The following ING5 variants were observed in gnomAD, a reference collection of about 807,000 sequenced individuals.
The protein encoded by ING5 is inhibitor of growth family member 5.
In ING5, 17 loss-of-function variants were observed where a neutral mutation model predicts 37.4. That is an observed-to-expected ratio of 0.45 (90% CI 0.31 to 0.68). The LOEUF (loss-of-function observed/expected upper bound fraction) is 0.68, where lower values mean the gene tolerates loss of function less well. ING5 is among the 30% of genes least tolerant of loss of function. The probability of loss-of-function intolerance (pLI) is 0.05; values close to 1 mark genes in which losing one functional copy is unlikely to be tolerated. For synonymous variants in ING5, 123 were observed against 116.6 expected (o/e 1.06, Z -0.36); for missense variants, 233 against 311.9 (o/e 0.75, Z 1.91).
intron 1 of ING5, among the ~76,000 whole-genome samples, chr2:241,689,213 A>T (rs1347569873): frequency 6.6e-6 from 1 of 151,858 alleles, no homozygotes; most frequent in Non-Finnish European, 1.5e-5. Flanking sequence ...CCCGGGTTCA[A>T]CCTATTCTCC....
exon 1 of ING5, chr2:241,687,609 C>G (rs979314840): frequency 1.6e-4 from 54 of 329,540 alleles, no homozygotes; most frequent in African/African-American, 1.1e-3. Flanking sequence ...CTCACTGCAA[C>G]CTCCGCCTCC....
exon 2 of ING5, chr2:241,690,444 G>C (rs896718529): frequency 5.6e-5 from 22 of 393,292 alleles, no homozygotes; most frequent in African/African-American, 1.6e-4. Context: ...CATCCTAGCA[G>C]TTCTCTTGGT....
At position 241,727,984 on chromosome 2, in the gene ING5, T is replaced by G. The variant is rs1267862889; in HGVS notation, c.*2953T>G. ...ACCTTTTCTTTTCAAGTTTCTGTGC[T>G]TAGTGTTTTTAATGTTTACTTTTGC... On this transcript the variant is annotated 3_prime_UTR_variant, in exon 8 of 8. Transcript: ENST00000313552. 3 of 152,274 alleles carry G rather than the reference T, an allele frequency of 2.0e-5. No individual in the cohort carries two copies. Among genetic ancestry groups the G allele is most frequent in the Non-Finnish European group, 4.4e-5 (3 of 68,054 alleles). The allele number at this position is 152,274 out of a possible 1,614,324, so 9.4% of individuals were successfully genotyped here.
intron 7 of ING5, chr2:241,724,146 T>C (rs1172415303): frequency 2.0e-6 from 2 of 1,006,322 alleles, no homozygotes; most frequent in African/African-American, 1.7e-5. Flanking sequence ...GGCAGCGTGT[T>C]TGAAACTCCG....
chr2:241,690,980 TG>T (rs1450182031), intron 2 of ING5, among the ~76,000 whole-genome samples: 2 of 151,812 alleles, frequency 1.3e-5, no homozygotes, highest in African/African-American at 4.8e-5. Context: ...GCTAATTTTT[TG>T]TATTTTTAGT....
At chr2:241,704,845 C>G in intron 2 of ING5, 121 bp downstream of exon 2, 2 of 777,056 alleles carry the variant, frequency 2.6e-6, no homozygotes, top group Non-Finnish European at 4.6e-6. Flanking sequence ...TTGGCCTAGC[C>G]CTGGGCCGTG....
At chr2:241,705,386 G>GTTTC (rs374785016) in intron 2 of ING5, among the ~76,000 whole-genome samples, 16,657 of 133,650 alleles carry the variant, frequency 0.12, 1,382 homozygotes, top group East Asian at 0.44. Context: ...CCCTAACTCT[G>GTTTC]TTTTTTTCTT....
exon 1 of ING5, chr2:241,687,656 T>G: frequency 4.0e-6 from 1 of 253,070 alleles, no homozygotes; most frequent in Non-Finnish European, 7.5e-6. Flanking sequence ...GCCTCCCGAG[T>G]AGCTGGGACT....
intron 5 of ING5, among the ~76,000 whole-genome samples, chr2:241,713,649 G>A (rs1287597951): frequency 1.3e-5 from 2 of 151,436 alleles, no homozygotes; most frequent in African/African-American, 4.8e-5. Flanking sequence ...GGGATTACAG[G>A]CGTGAGCCAC....
At chr2:241,690,017 GTC>G (rs2069526341) in exon 2 of ING5, 1 of 152,168 alleles carries the variant, frequency 6.6e-6, no homozygotes, top group Non-Finnish European at 1.5e-5. Context: ...CTGCGGTACT[GTC>G]TCTCATCAGG....
intron 2 of ING5, among the ~76,000 whole-genome samples, chr2:241,707,367 C>T (rs921898610): frequency 1.3e-5 from 2 of 151,732 alleles, no homozygotes; most frequent in Non-Finnish European, 2.9e-5. Context: ...CTCAGCTCAC[C>T]GCAACCTCCG....
rs1319225439 is a variant in ING5 at position 241,694,442 on chromosome 2, C to CA, written c.43+3799dup. 1.4e-3 allele frequency among the ~76,000 whole-genome samples: 200 copies of CA among 139,174 alleles called. 1 individual carries two copies. The highest frequency in any genetic ancestry group is 0.011 in the Middle Eastern group (3 of 274). The allele number at this position is 139,174 out of a possible 152,430, so 91.3% of individuals were successfully genotyped here. A position where few individuals can be genotyped will look rare whatever the true frequency, so the allele number is the denominator to read the frequency against. ...TGGGCGACAGAGCGAGACTCCATCT[C>CA]AAAAAAAAAAGAATCAGTAAAAGAT... On this transcript the variant is annotated intron_variant, in intron 2 of 7. Transcript: ENST00000636051.
chr2:241,690,831 C>T (rs192781084), intron 2 of ING5, among the ~76,000 whole-genome samples: 1 of 150,746 alleles, frequency 6.6e-6, no homozygotes, highest in East Asian at 2.0e-4. Flanking sequence ...TTTTCCCAGA[C>T]AGCCTCGGTC....
intron 5 of ING5, chr2:241,719,645 G>T: frequency 6.5e-7 from 1 of 1,535,434 alleles, no homozygotes; most frequent in African/African-American, 1.4e-5. Context: ...AGGCACTGGG[G>T]GTCCTCGTGG....
intron 2 of ING5, among the ~76,000 whole-genome samples, chr2:241,692,823 C>T (rs1412076098): frequency 2.0e-5 from 3 of 152,100 alleles, no homozygotes; most frequent in Non-Finnish European, 4.4e-5. Context: ...TTTGAGGAGA[C>T]GTCTCCTTTC....
chr2:241,722,115 G>A (rs1320050471), intron 5 of ING5: 1 of 985,434 alleles, frequency 1.0e-6, no homozygotes, highest in South Asian at 4.7e-5. Context: ...GGAGGGCCCG[G>A]GCGCAGGACG....
intron 1 of ING5, among the ~76,000 whole-genome samples, chr2:241,704,441 G>T (rs535631128): frequency 1.3e-5 from 2 of 152,152 alleles, no homozygotes; most frequent in Non-Finnish European, 2.9e-5. Context: ...GGTGGCATGT[G>T]CCTGTAATCC....
At chr2:241,719,426 G>T in intron 5 of ING5, 1 of 873,208 alleles carries the variant, frequency 1.1e-6, no homozygotes, top group South Asian at 1.4e-5. Context: ...ACAGCTCCCC[G>T]ACATCTTTGA....
intron 3 of ING5, among the ~76,000 whole-genome samples, chr2:241,710,572 C>T (rs2070077661): frequency 6.6e-6 from 1 of 152,186 alleles, no homozygotes; most frequent in African/African-American, 2.4e-5. Context: ...GCAACCTCTG[C>T]CTCCTGGGTT....
Sources: gnomAD v4.1 joint callset for allele counts (sites outside exome capture counted in the v4.1 genomes callset) on GRCh38, gnomAD v4.1.1 for gene constraint, MANE v1.5 for transcripts, NCBI Gene and HGNC (gene_info 2026-07-23, HGNC 2026-07-21) for gene names.